Variants in KDM4C observed in about 807,000 individuals in gnomAD.
The protein encoded by KDM4C is lysine-specific demethylase 4C.
Under a neutral mutation model 129.3 loss-of-function variants are expected in KDM4C, and 81 were observed. The observed-to-expected ratio is 0.63, with a 90% confidence interval of 0.52 to 0.75. KDM4C has a LOEUF of 0.75. Among genes scored for constraint, KDM4C ranks in the 30% least tolerant of loss-of-function variants. The probability of loss-of-function intolerance (pLI) is 0.00; values close to 1 mark genes in which losing one functional copy is unlikely to be tolerated. For synonymous variants in KDM4C, 573 were observed against 456.1 expected (o/e 1.26, Z -3.26); for missense variants, 1,457 against 1,304.0 (o/e 1.12, Z -1.81).
intron 3 of KDM4C, among the ~76,000 whole-genome samples, chr9:6,813,310 A>G (rs1375641590): frequency 6.6e-6 from 1 of 152,216 alleles, no homozygotes; most frequent in African/African-American, 2.4e-5. Flanking sequence ...TGCTGGGATT[A>G]TAGCCACCAT....
At chr9:6,976,138 G>A (rs1362001550) in intron 8 of KDM4C, among the ~76,000 whole-genome samples, 2 of 152,200 alleles carry the variant, frequency 1.3e-5, no homozygotes, top group African/African-American at 2.4e-5. Context: ...GATTATGAGA[G>A]TGTAGTCTGA....
At chr9:6,949,919 C>G (rs11792082) in intron 8 of KDM4C, among the ~76,000 whole-genome samples, 38,199 of 151,982 alleles carry the variant, frequency 0.25, 5,391 homozygotes, top group South Asian at 0.43. Flanking sequence ...GATGTTCTTT[C>G]TGGATTTTTG....
At chr9:6,953,864 C>T (rs780478246) in intron 8 of KDM4C, among the ~76,000 whole-genome samples, 3 of 152,204 alleles carry the variant, frequency 2.0e-5, no homozygotes, top group Non-Finnish European at 2.9e-5. Context: ...ATATTCACTT[C>T]TTGACCCTTG....
chr9:6,803,617 A>C (rs1290915770), intron 2 of KDM4C, among the ~76,000 whole-genome samples: 1 of 151,834 alleles, frequency 6.6e-6, no homozygotes, highest in Admixed American at 6.6e-5. Context: ...AAAACTTCTA[A>C]AGGTGGTAAA....
intron 19 of KDM4C, among the ~76,000 whole-genome samples, chr9:7,143,941 A>G (rs1841992445): frequency 6.6e-6 from 1 of 152,246 alleles, no homozygotes; most frequent in Admixed American, 6.5e-5. Flanking sequence ...AAAAGGAAGG[A>G]CATGTTAAAC....
rs58676459 is a variant in KDM4C at position 6,942,282 on chromosome 9, A to AGTGTGTGTGTGTGT, written c.922-38616_922-38603dup. Among the ~76,000 whole-genome samples, 664 of 142,690 alleles carry AGTGTGTGTGTGTGT rather than the reference A, an allele frequency of 4.7e-3. 3 individuals are homozygous for AGTGTGTGTGTGTGT. Among genetic ancestry groups the AGTGTGTGTGTGTGT allele is most frequent in the African/African-American group, 0.012 (445 of 38,466 alleles). The allele number at this position is 142,690 out of a possible 152,430, so 93.6% of individuals were successfully genotyped here. ...TTCTTTCTCATGTTCTAGCCCTCAA[A>AGTGTGTGTGTGTGT]GTGTGTGTGTGTGTGTGTGTGTGTG... On this transcript the variant is annotated intron_variant, in intron 8 of 21. Transcript: ENST00000381309.
chr9:6,785,266 C>A (rs1286486014), intron 1 of KDM4C, among the ~76,000 whole-genome samples: 2 of 151,722 alleles, frequency 1.3e-5, no homozygotes, highest in South Asian at 4.2e-4. Context: ...CCTTGGCTTG[C>A]AGCTGCATGA....
chr9:6,787,307 A>G (rs1825694629), intron 1 of KDM4C, among the ~76,000 whole-genome samples: 1 of 152,200 alleles, frequency 6.6e-6, no homozygotes, highest in Non-Finnish European at 1.5e-5. Context: ...GTCTTGGCTC[A>G]CTGCAACCTC....
intron 8 of KDM4C, among the ~76,000 whole-genome samples, chr9:6,932,049 A>T (rs146591522): frequency 3.9e-4 from 59 of 152,178 alleles, no homozygotes; most frequent in African/African-American, 1.3e-3. Flanking sequence ...GGCCGTGACT[A>T]TTGTGAGTCA....
At chr9:6,852,747 C>T (rs1839082495) in intron 5 of KDM4C, among the ~76,000 whole-genome samples, 1 of 152,156 alleles carries the variant, frequency 6.6e-6, no homozygotes, top group Admixed American at 6.5e-5. Flanking sequence ...TGAATTCTAC[C>T]TCCAGGTACC....
At chr9:6,771,663 T>G (rs1167405219) in intron 1 of KDM4C, among the ~76,000 whole-genome samples, 1 of 152,168 alleles carries the variant, frequency 6.6e-6, no homozygotes, top group African/African-American at 2.4e-5. Flanking sequence ...GGATGAGTAG[T>G]CTCCATGGCC....
At chr9:7,096,643 A>C (rs1230221026) in intron 17 of KDM4C, among the ~76,000 whole-genome samples, 1 of 152,216 alleles carries the variant, frequency 6.6e-6, no homozygotes, top group Non-Finnish European at 1.5e-5. Context: ...CCAGACACTT[A>C]GCTCGTATAC....
intron 8 of KDM4C, among the ~76,000 whole-genome samples, chr9:6,941,035 C>CT (rs34567518): frequency 1.4e-3 from 206 of 145,216 alleles, no homozygotes; most frequent in East Asian, 7.6e-3. Flanking sequence ...GCATCTCTTC[C>CT]TTTTTTTTTT....
At chr9:7,067,477 C>T (rs186766349) in intron 17 of KDM4C, among the ~76,000 whole-genome samples, 1 of 152,286 alleles carries the variant, frequency 6.6e-6, no homozygotes, top group East Asian at 1.9e-4. Context: ...ACTTAAATGA[C>T]AGACCAAGCT....
At chr9:6,744,596 A>G (rs1817816246) in intron 1 of KDM4C, among the ~76,000 whole-genome samples, 1 of 152,188 alleles carries the variant, frequency 6.6e-6, no homozygotes, top group Non-Finnish European at 1.5e-5. Flanking sequence ...AGGGTCTACT[A>G]TGTTGGTCAG....
intron 8 of KDM4C, among the ~76,000 whole-genome samples, chr9:6,955,021 C>A (rs982636243): frequency 2.6e-5 from 4 of 152,194 alleles, no homozygotes; most frequent in African/African-American, 7.2e-5. Context: ...CTAACGTGAA[C>A]AATGATGTAC....
chr9:6,986,448 T>A lies in KDM4C; in HGVS notation c.1459T>A (p.Ser487Thr). Residue 487 changes from serine (S) to threonine (T), a missense_variant, in exon 11 of 22, where the codon TCC (serine) becomes ACC (threonine). Coordinates refer to ENST00000381309, the MANE Select transcript of KDM4C (RefSeq NM_015061.6). ...VPSISSEADDSIPLSSGYEKP... is the reference protein window; with the variant it reads ...VPSISSEADDTIPLSSGYEKP... ...TTCTATATCCAGTGAGGCTGATGATTCCATTCCATTGTCTAGTGGCTATGA... is the reference window on the plus strand; with the variant it reads ...TTCTATATCCAGTGAGGCTGATGATACCATTCCATTGTCTAGTGGCTATGA... 1.2e-6 allele frequency: 2 copies of A among 1,614,104 alleles called. No homozygotes were observed. Among genetic ancestry groups the A allele is most frequent in the Admixed American group, 1.7e-5 (1 of 60,002 alleles).
In KDM4C at chr9:6,821,905, G is replaced by A. The variant is rs574274571; in HGVS notation, c.435+7160G>A. ...CTGTCTTGGCCTCCCAAAGTGCTGGGATTATAGGCGTGAGCTGCTGTGCCC... is the reference window on the plus strand; with the variant it reads ...CTGTCTTGGCCTCCCAAAGTGCTGGAATTATAGGCGTGAGCTGCTGTGCCC... On this transcript the variant is annotated intron_variant, in intron 4 of 21. Transcript: ENST00000381309. 2.9e-4 allele frequency among the ~76,000 whole-genome samples: 44 copies of A among 152,288 alleles called. 1 individual carries two copies. Among genetic ancestry groups the A allele is most frequent in the African/African-American group, 1.0e-3 (42 of 41,570 alleles).
At chr9:7,033,803 A>G (rs1225957196) in intron 15 of KDM4C, among the ~76,000 whole-genome samples, 1 of 152,196 alleles carries the variant, frequency 6.6e-6, no homozygotes, top group Non-Finnish European at 1.5e-5. Flanking sequence ...AGTAAAGTCA[A>G]GAAGAATAAT....
Sources: allele counts gnomAD v4.1 joint callset (sites outside exome capture counted in the v4.1 genomes callset), GRCh38; gene constraint gnomAD v4.1.1; transcripts MANE v1.5; gene names NCBI Gene and HGNC (gene_info 2026-07-23, HGNC 2026-07-21).